The following TPRG1 variants were observed in gnomAD, a reference collection of about 807,000 sequenced individuals.
TPRG1 encodes tumor protein p63-regulated gene 1 protein.
TPRG1 carries 29 observed loss-of-function variants against 29.3 expected under a neutral mutation model. That is an observed-to-expected ratio of 0.99 (90% CI 0.74 to 1.35). The LOEUF (loss-of-function observed/expected upper bound fraction) is 1.35. TPRG1 is among the 40% of genes most tolerant of loss of function. The pLI is 0.00. For missense variants in TPRG1, 327 were observed against 335.0 expected, an observed-to-expected ratio of 0.98 and a Z score of 0.19; for synonymous variants, 130 against 116.8, an observed-to-expected ratio of 1.11 and a Z score of -0.73.
At chr3:188,999,083 A>G (rs1711919035) in intron 1 of TPRG1, among the ~76,000 whole-genome samples, 1 of 152,184 alleles carries the variant, frequency 6.6e-6, no homozygotes, top group Admixed American at 6.6e-5. Flanking sequence ...CTCTTTGGCT[A>G]TTGTGTGGAA....
At chr3:189,125,624 A>G (rs867119195) in intron 1 of TPRG1, among the ~76,000 whole-genome samples, 1 of 152,110 alleles carries the variant, frequency 6.6e-6, no homozygotes, top group Non-Finnish European at 1.5e-5. Context: ...CTCTCTATTC[A>G]TATGTCTTCT....
In TPRG1 at chr3:188,998,795, T is replaced by C. The variant is rs553834751; in HGVS notation, c.-1015-1979T>C. On this transcript the variant is annotated intron_variant, in intron 1 of 10. Transcript: ENST00000433971. ...GATCTTATAGAAGTAGAGAGTGGAA[T>C]GATGCTTACCAGAGGCTGAGGGGGT... 1.1e-3 allele frequency among the ~76,000 whole-genome samples: 161 copies of C among 152,232 alleles called. No homozygotes were observed. The Middle Eastern group carries it at 0.014, about 13-fold the overall frequency.
At chr3:189,050,296 T>C (rs1279256279) in intron 4 of TPRG1, among the ~76,000 whole-genome samples, 1 of 152,070 alleles carries the variant, frequency 6.6e-6, no homozygotes, top group Non-Finnish European at 1.5e-5. Context: ...CATTCAAGGC[T>C]ACTATGAACA....
intron 1 of TPRG1, among the ~76,000 whole-genome samples, chr3:189,204,059 A>AAG (rs1733935293): frequency 6.6e-6 from 1 of 151,052 alleles, no homozygotes; most frequent in Non-Finnish European, 1.5e-5. Context: ...AAAAAAAAAA[A>AAG]AAACTGAACA....
chr3:189,236,464 G>A (rs1348830974), intron 3 of TPRG1, among the ~76,000 whole-genome samples: 1 of 152,172 alleles, frequency 6.6e-6, no homozygotes, highest in African/African-American at 2.4e-5. Context: ...CTAAGACTGA[G>A]AATGTCAAGC....
chr3:189,057,991 ATATT>A (rs1715850158), intron 4 of TPRG1, among the ~76,000 whole-genome samples: 1 of 151,678 alleles, frequency 6.6e-6, no homozygotes, highest in African/African-American at 2.4e-5. Context: ...GGTTGTGTAT[ATATT>A]ATGCTGAATA....
chr3:189,251,270 T>C (rs973090271), intron 4 of TPRG1, among the ~76,000 whole-genome samples: 6 of 152,116 alleles, frequency 3.9e-5, no homozygotes, highest in Non-Finnish European at 7.4e-5. Flanking sequence ...AGAGTTTTGT[T>C]TTATGCAGTT....
chr3:189,206,869 A>G (rs1734475226), intron 1 of TPRG1, among the ~76,000 whole-genome samples: 1 of 147,048 alleles, frequency 6.8e-6, no homozygotes, highest in South Asian at 2.2e-4. Flanking sequence ...GTCTTTGGGT[A>G]TTCGTCTAAT....
intron 1 of TPRG1, among the ~76,000 whole-genome samples, chr3:189,117,720 C>T (rs551809929): frequency 2.0e-5 from 3 of 152,332 alleles, no homozygotes; most frequent in South Asian, 2.1e-4. Flanking sequence ...CATTTACCCT[C>T]GTTGTACTCA....
intron 4 of TPRG1, among the ~76,000 whole-genome samples, chr3:189,305,010 T>C (rs1410261250): frequency 6.6e-6 from 1 of 152,208 alleles, no homozygotes; most frequent in Non-Finnish European, 1.5e-5. Flanking sequence ...GCTATGTTTT[T>C]AATTCTGTGG....
At chr3:189,087,698 G>A (rs529606818) in intron 4 of TPRG1, among the ~76,000 whole-genome samples, 40 of 152,162 alleles carry the variant, frequency 2.6e-4, no homozygotes, top group Non-Finnish European at 3.8e-4. Context: ...GTGTAAGGAA[G>A]GGATCCAGTT....
chr3:189,177,815 A>T (rs575585032), intron 1 of TPRG1, among the ~76,000 whole-genome samples: 1 of 152,134 alleles, frequency 6.6e-6, no homozygotes, highest in Non-Finnish European at 1.5e-5. Flanking sequence ...TCTGTAGACA[A>T]TGCATCCCTA....
At chr3:189,092,877 A>G (rs1266169273) in intron 4 of TPRG1, among the ~76,000 whole-genome samples, 3 of 152,202 alleles carry the variant, frequency 2.0e-5, no homozygotes, top group African/African-American at 7.2e-5. Flanking sequence ...CTTGTTTAAC[A>G]AATGCATCTT....
intron 1 of TPRG1, among the ~76,000 whole-genome samples, chr3:189,108,622 A>G (rs958972901): frequency 2.1e-4 from 31 of 150,678 alleles, no homozygotes; most frequent in African/African-American, 7.6e-4. Flanking sequence ...ATTCTTTTTC[A>G]CTTAGTTCAC....
At chr3:189,070,983 A>G (rs963712428) in intron 4 of TPRG1, among the ~76,000 whole-genome samples, 1 of 151,948 alleles carries the variant, frequency 6.6e-6, no homozygotes, top group African/African-American at 2.4e-5. Flanking sequence ...CTGGGTTTAA[A>G]TATGGTGACT....
At chr3:189,192,300 C>T (rs982653275) in intron 1 of TPRG1, among the ~76,000 whole-genome samples, 10 of 152,130 alleles carry the variant, frequency 6.6e-5, no homozygotes, top group Non-Finnish European at 1.3e-4. Context: ...CATTTTCTGT[C>T]GTGGAAGCTC....
chr3:189,021,640 C>G (rs1175692855), intron 3 of TPRG1, among the ~76,000 whole-genome samples: 1 of 152,122 alleles, frequency 6.6e-6, no homozygotes, highest in African/African-American at 2.4e-5. Flanking sequence ...GGTAACCTGA[C>G]CTTTCTCTCT....
At chr3:189,116,378 C>T (rs1721174027) in intron 1 of TPRG1, among the ~76,000 whole-genome samples, 2 of 152,102 alleles carry the variant, frequency 1.3e-5, no homozygotes, top group South Asian at 2.1e-4. Flanking sequence ...GAGGTTTCAC[C>T]ATCTTGGCCA....
chr3:189,095,429 T>C (rs1385462923), upstream of TPRG1, among the ~76,000 whole-genome samples: 1 of 152,174 alleles, frequency 6.6e-6, no homozygotes, highest in Non-Finnish European at 1.5e-5. Flanking sequence ...TGCGGTGGCA[T>C]GCATGATGCT....
Sources: gnomAD v4.1 joint callset for allele counts (sites outside exome capture counted in the v4.1 genomes callset) on GRCh38, gnomAD v4.1.1 for gene constraint, MANE v1.5 for transcripts, NCBI Gene and HGNC (gene_info 2026-07-23, HGNC 2026-07-21) for gene names.